The following ALDH3A2 variants were observed in gnomAD, a reference collection of about 807,000 sequenced individuals.
The protein encoded by ALDH3A2 is aldehyde dehydrogenase family 3 member A2.
Under a neutral mutation model 51.3 loss-of-function variants are expected in ALDH3A2, and 36 were observed. The ratio of observed to expected loss-of-function variants is 0.70; its 90% confidence interval spans 0.54 to 0.93. The LOEUF (loss-of-function observed/expected upper bound fraction) is 0.93, where lower values mean the gene tolerates loss of function less well. Among genes scored for constraint, ALDH3A2 ranks in the 40% least tolerant of loss-of-function variants. The pLI, the probability that ALDH3A2 is intolerant of heterozygous loss-of-function variation, is 0.00. For missense variants in ALDH3A2, 552 were observed against 603.1 expected, an observed-to-expected ratio of 0.92 and a Z score of 0.89; for synonymous variants, 199 against 219.8, an observed-to-expected ratio of 0.91 and a Z score of 0.84.
chr17:19,659,471 C>G (rs1209875658), intron 5 of ALDH3A2: 1 of 152,142 alleles, frequency 6.6e-6, no homozygotes, highest in Non-Finnish European at 1.5e-5. Context: ...CCCAGGAGTT[C>G]AAGGCTGCAA....
chr17:19,657,264 G>A (rs935825241), intron 4 of ALDH3A2, among the ~76,000 whole-genome samples: 8 of 152,230 alleles, frequency 5.3e-5, no homozygotes, highest in African/African-American at 1.7e-4. Context: ...CATAGGAAAG[G>A]TCTTCCCAAG....
intron 6 of ALDH3A2, among the ~76,000 whole-genome samples, chr17:19,662,296 G>T (rs2084976344): frequency 6.6e-6 from 1 of 152,094 alleles, no homozygotes; most frequent in Admixed American, 6.5e-5. Flanking sequence ...TAGACACTCA[G>T]CCCAAATTGT....
At chr17:19,669,626 C>A (rs1358579636) in intron 8 of ALDH3A2, among the ~76,000 whole-genome samples, 2 of 151,942 alleles carry the variant, frequency 1.3e-5, no homozygotes, top group African/African-American at 4.8e-5. Context: ...TGAATCCACG[C>A]CTTTTCTTTT....
rs1486773892 is a variant in ALDH3A2, at chr17:19,671,965, C to G, written c.1443+9C>G. Reference sequence around the variant, plus strand: ...CCGCTGTGCTTGTCAAGGTGAGTCCCTATAACCCATGAGTGCCATTCAGTC... The same window carrying G: ...CCGCTGTGCTTGTCAAGGTGAGTCCGTATAACCCATGAGTGCCATTCAGTC... On this transcript the variant is annotated intron_variant, in intron 9 of 9. Transcript: ENST00000176643. 7 of 1,611,352 alleles carry G rather than the reference C, an allele frequency of 4.3e-6. No homozygotes were observed. The South Asian group carries it at 5.5e-5, about 13-fold the overall frequency.
chr17:19,675,407 A>C (rs780205359), intron 9 of ALDH3A2, 151 bp from the exon 10 acceptor site: 1 of 795,580 alleles, frequency 1.3e-6, no homozygotes, highest in Non-Finnish European at 2.2e-6. Context: ...TAGGCTTCCT[A>C]GGGATATGTA....
At chr17:19,651,922 C>T in intron 2 of ALDH3A2, 144 bp downstream of exon 2, 2 of 753,918 alleles carry the variant, frequency 2.7e-6, no homozygotes, top group Admixed American at 2.3e-5. Flanking sequence ...AGAATTCATA[C>T]ATACCATACA....
At chr17:19,665,376 C>CGTGTGTGTGTGTGTGTGT (rs34642385) in intron 8 of ALDH3A2, among the ~76,000 whole-genome samples, 130 of 145,030 alleles carry the variant, frequency 9.0e-4, no homozygotes, top group Middle Eastern at 3.5e-3. Flanking sequence ...GATCTCTCTT[C>CGTGTGTGTGTGTGTGTGT]GTGTGTGTGT....
chr17:19,669,962 G>A (rs887797099), intron 8 of ALDH3A2, among the ~76,000 whole-genome samples: 6 of 152,132 alleles, frequency 3.9e-5, no homozygotes, highest in Non-Finnish European at 8.8e-5. Flanking sequence ...TTTAGAGACA[G>A]ACAACTAATA....
chr17:19,671,592 G>T, intron 8 of ALDH3A2, 129 bp from the exon 9 acceptor site: 1 of 813,358 alleles, frequency 1.2e-6, no homozygotes, highest in Admixed American at 1.9e-5. Flanking sequence ...AGATACTTCA[G>T]CTGGCAGAGA....
upstream of ALDH3A2, chr17:19,648,581 G>GC: frequency 4.5e-6 from 1 of 220,732 alleles, no homozygotes; most frequent in African/African-American, 2.4e-5. Context: ...ACACCCCGCC[G>GC]CCCCCTGGCC....
At position 19,671,936 on chromosome 17, in the gene ALDH3A2, G is replaced by A; in HGVS notation, c.1423G>A (p.Val475Ile). 6.2e-7 allele frequency: 1 copy of A among 1,614,126 alleles called. No individual in the cohort carries two copies. The highest frequency in any genetic ancestry group is 1.3e-5 in the African/African-American group (1 of 75,028). ...GLLLLTFLGI[V>I]AAVLVKAEYY ...CCTGTTGCTCACTTTCCTGGGTATT[G>A]TAGCCGCTGTGCTTGTCAAGGTGAG... The change falls in exon 9 of 10, where the codon GTA becomes ATA. Residue 475 changes from valine (V) to isoleucine (I), a missense_variant. Coordinates refer to ENST00000176643, the MANE Select transcript of ALDH3A2 (RefSeq NM_000382.3).
At position 19,675,724 on chromosome 17, in the gene ALDH3A2, T is replaced by A; in HGVS notation, c.*152T>A. 2 of 916,454 alleles carry A rather than the reference T, an allele frequency of 2.2e-6. No individual in the cohort carries two copies. Among genetic ancestry groups the A allele is most frequent in the Non-Finnish European group, 3.5e-6 (2 of 568,520 alleles). The allele number at this position is 916,454 out of a possible 1,614,324, so 56.8% of individuals were successfully genotyped here. On this transcript the variant is annotated 3_prime_UTR_variant, in exon 10 of 10. Coordinates refer to ENST00000176643, the MANE Select transcript of ALDH3A2 (RefSeq NM_000382.3). ...CTTAAAAGTCATTGCCATTCATCAT[T>A]AATAAAAGTTGCCATTTCAACTACG... is the stretch of plus-strand genomic sequence containing the variant.
At position 19,654,296 on chromosome 17, in the gene ALDH3A2, C is replaced by A. The variant is rs1299361057; in HGVS notation, c.471+1664C>A. Among the ~76,000 whole-genome samples, 2 of 152,268 alleles carry A rather than the reference C, an allele frequency of 1.3e-5. No individual in the cohort carries two copies. Among genetic ancestry groups the A allele is most frequent in the Non-Finnish European group, 2.9e-5 (2 of 68,054 alleles). On this transcript the variant is annotated intron_variant, in intron 3 of 9. Coordinates refer to ENST00000176643, the MANE Select transcript of ALDH3A2 (RefSeq NM_000382.3). The surrounding 1 kb of genome is among the most constrained non-coding windows in gnomAD (Gnocchi z 4.5). The stretch of plus-strand genomic sequence containing the variant: ...GCTGTGGGTGGAGCTGCCCATCAGT[C>A]CAGCGCTGCGCGCCTGCACCCCTCA...
chr17:19,661,646 A>G lies in ALDH3A2; in HGVS notation c.940+378A>G, dbSNP rs543096520. ...TTAACCAGTGACGGTACCATTCCAG[A>G]AATAATGTTTTGGTCCATCATGCTT... On this transcript the variant is annotated intron_variant, in intron 6 of 9. Coordinates refer to ENST00000176643, the MANE Select transcript of ALDH3A2 (RefSeq NM_000382.3). 1.1e-3 allele frequency among the ~76,000 whole-genome samples: 170 copies of G among 152,336 alleles called. 1 individual carries two copies. Among genetic ancestry groups the G allele is most frequent in the African/African-American group, 3.8e-3 (159 of 41,572 alleles).
intron 8 of ALDH3A2, among the ~76,000 whole-genome samples, chr17:19,666,744 T>C (rs1442709894): frequency 6.6e-6 from 1 of 150,912 alleles, no homozygotes; most frequent in Non-Finnish European, 1.5e-5. Context: ...GCCACTGCAC[T>C]CAAACCTGGC....
At chr17:19,658,585 G>A in intron 5 of ALDH3A2, among the ~76,000 whole-genome samples, 1 of 151,866 alleles carries the variant, frequency 6.6e-6, no homozygotes, top group East Asian at 1.9e-4. Context: ...AAATCAGCCG[G>A]GGATGGTGGT....
chr17:19,652,271 A>G (rs1008219281), intron 2 of ALDH3A2, among the ~76,000 whole-genome samples: 2 of 152,208 alleles, frequency 1.3e-5, no homozygotes, highest in African/African-American at 4.8e-5. Context: ...AGAGAGGACA[A>G]TCTAAGGGCA....
Position 19,676,455 on chromosome 17 carries a change from A to C in ALDH3A2, c.*883A>C, listed in dbSNP as rs1192221322. 2.0e-5 allele frequency: 3 copies of C among 152,370 alleles called. No homozygotes were observed. The East Asian group carries it at 5.8e-4, about 29-fold the overall frequency. 9.4% of individuals were successfully genotyped at this position (152,370 alleles called of 1,614,324 possible). A position where few individuals can be genotyped will look rare whatever the true frequency, so the allele number is the denominator to read the frequency against. On this transcript the variant is annotated 3_prime_UTR_variant, in exon 10 of 10. Transcript: ENST00000176643. ...GATTGCTTGAGTCCAGGAATTTGAG[A>C]CCAGCCTGGACAACACAGTGAGACC...
chr17:19,675,413 A>G (rs1380197584), intron 9 of ALDH3A2, 145 bp from the exon 10 acceptor site: 1 of 832,138 alleles, frequency 1.2e-6, no homozygotes, highest in Non-Finnish European at 2.1e-6. Context: ...TCCTAGGGAT[A>G]TGTAGTCCTT....
Sources: allele counts gnomAD v4.1 joint callset (sites outside exome capture counted in the v4.1 genomes callset), GRCh38; gene constraint gnomAD v4.1.1; non-coding constraint Gnocchi (gnomAD v3.1); transcripts MANE v1.5; gene names NCBI Gene and HGNC (gene_info 2026-07-23, HGNC 2026-07-21).